The following FRK variants were observed in gnomAD, a reference collection of about 807,000 sequenced individuals.
FRK encodes tyrosine-protein kinase FRK.
A neutral mutation model predicts 56.4 loss-of-function variants in FRK; 51 were observed. The ratio of observed to expected loss-of-function variants is 0.90; its 90% confidence interval spans 0.72 to 1.14. FRK has a LOEUF of 1.14. FRK is among the 50% of genes most tolerant of loss of function. The probability of loss-of-function intolerance (pLI) is 0.00; values close to 1 mark genes in which losing one functional copy is unlikely to be tolerated. For synonymous variants in FRK, 245 were observed against 217.9 expected (o/e 1.12, Z -1.10); for missense variants, 570 against 601.4 (o/e 0.95, Z 0.55).
chr6:116,082,546 G>T, the FRK span, among the ~76,000 whole-genome samples: 7 of 152,174 alleles, frequency 4.6e-5, no homozygotes, highest in Non-Finnish European at 8.8e-5. Flanking sequence ...CTGGATATAT[G>T]TTTAAAGTGG....
chr6:115,973,561 A>C (rs1334954660), intron 2 of FRK, among the ~76,000 whole-genome samples: 1 of 152,288 alleles, frequency 6.6e-6, no homozygotes, highest in South Asian at 2.1e-4. Context: ...TATAATGTTT[A>C]AAAATTTTTA....
At chr6:115,979,844 A>G (rs930004512) in intron 2 of FRK, among the ~76,000 whole-genome samples, 1 of 152,214 alleles carries the variant, frequency 6.6e-6, no homozygotes. Context: ...GCAATAGGCT[A>G]TACCACAGAG....
intron 4 of FRK, among the ~76,000 whole-genome samples, chr6:115,958,335 C>G (rs529615906): frequency 6.6e-6 from 1 of 151,270 alleles, no homozygotes; most frequent in Non-Finnish European, 1.5e-5. Flanking sequence ...GATAACCATA[C>G]AGAAAATTAG....
At position 116,025,140 on chromosome 6, in the gene FRK, C is replaced by T. The variant is rs114127995; in HGVS notation, c.345-21142G>A. On this transcript the variant is annotated intron_variant, in intron 1 of 7. Transcript: ENST00000606080. ...AAGAATTGCAGGCCCCATGAAAGGACGAAATTAGAATTAGTGAGGCCCCAG... is the reference window on the plus strand; with the variant it reads ...AAGAATTGCAGGCCCCATGAAAGGATGAAATTAGAATTAGTGAGGCCCCAG... Among the ~76,000 whole-genome samples, 218 of 152,144 alleles carry T rather than the reference C, an allele frequency of 1.4e-3. 1 individual carries two copies. Among genetic ancestry groups the T allele is most frequent in the African/African-American group, 4.7e-3 (197 of 41,508 alleles).
chr6:115,997,491 A>T (rs1473739529), intron 2 of FRK, among the ~76,000 whole-genome samples: 1 of 151,516 alleles, frequency 6.6e-6, no homozygotes, highest in African/African-American at 2.4e-5. Context: ...TATGTGTCTC[A>T]AGCACCTCTG....
chr6:116,004,098 G>A (rs1775165883), intron 1 of FRK, 100 bp from the exon 2 acceptor site: 2 of 1,078,600 alleles, frequency 1.9e-6, no homozygotes, highest in Admixed American at 2.4e-5. Context: ...AAAAATGTTT[G>A]GTATTCTTTA....
chr6:116,038,725 C>T (rs1038951417), intron 1 of FRK: 22 of 454,202 alleles, frequency 4.8e-5, no homozygotes, highest in Admixed American at 1.7e-4. Flanking sequence ...TGAAGGCTGA[C>T]GCTGACCTTC....
intron 4 of FRK, among the ~76,000 whole-genome samples, chr6:115,958,968 A>T (rs905306952): frequency 6.6e-6 from 1 of 152,140 alleles, no homozygotes; most frequent in African/African-American, 2.4e-5. Context: ...ATGCACAAGA[A>T]CTGAAATCAC....
At chr6:115,978,404 CGAT>C (rs778515609) in intron 2 of FRK, among the ~76,000 whole-genome samples, 15 of 152,220 alleles carry the variant, frequency 9.9e-5, no homozygotes, top group Non-Finnish European at 2.1e-4. Context: ...AAGAAAAGGA[CGAT>C]GACTCCAGGA....
intron 1 of FRK, among the ~76,000 whole-genome samples, chr6:116,005,708 C>T (rs1230151243): frequency 6.6e-6 from 1 of 152,096 alleles, no homozygotes; most frequent in African/African-American, 2.4e-5. Context: ...CACAGAAAAA[C>T]AGAAATGCAT....
chr6:116,060,119 C>T lies in FRK; in HGVS notation c.193G>A (p.Ala65Thr). 2 of 1,614,192 alleles carry T rather than the reference C, an allele frequency of 1.2e-6. No individual in the cohort carries two copies. The highest frequency in any genetic ancestry group is 2.2e-5 in the South Asian group (2 of 91,086). ...ARTAEDLSFR[A>T]GDKLQVLDTL... is the part of the protein sequence containing the mutation. ...TCCAGAACTTGAAGTTTGTCACCTG[C>T]TCGGAAGCTCAAGTCCTCAGCAGTC... The change falls in exon 1 of 8, where the codon GCA becomes ACA. Residue 65 changes from alanine to threonine, a missense_variant. Transcript: ENST00000606080.
chr6:115,952,152 T>C (rs1338254736), intron 5 of FRK, among the ~76,000 whole-genome samples: 2 of 152,142 alleles, frequency 1.3e-5, no homozygotes, highest in South Asian at 2.1e-4. Flanking sequence ...ACTCTGATGG[T>C]AGTTTCTTTT....
intron 2 of FRK, among the ~76,000 whole-genome samples, chr6:115,977,087 A>G (rs1158819491): frequency 1.3e-5 from 2 of 152,180 alleles, no homozygotes; most frequent in Non-Finnish European, 2.9e-5. Flanking sequence ...AAAGACAACC[A>G]TGATGATTCT....
intron 1 of FRK, among the ~76,000 whole-genome samples, chr6:116,058,768 G>A (rs187791652): frequency 9.9e-5 from 15 of 151,864 alleles, no homozygotes; most frequent in African/African-American, 3.4e-4. Context: ...AAAATTAGCC[G>A]GGCGTGGTGG....
At chr6:116,085,401 T>C in the FRK span, among the ~76,000 whole-genome samples, 1 of 152,198 alleles carries the variant, frequency 6.6e-6, no homozygotes, top group Non-Finnish European at 1.5e-5. Context: ...TTTAAATCTA[T>C]TTGCTTCTCT....
In FRK at chr6:115,939,966, T is replaced by C. The variant is rs1772127293; in HGVS notation, c.*2448A>G. On this transcript the variant is annotated 3_prime_UTR_variant, in exon 8 of 8. Transcript: ENST00000606080. ...ACTACCATTGACTTTCTTCACAGAA[T>C]TGGAAAAAACTACTTTAAACTTCAT... 6.6e-6 allele frequency: 1 copy of C among 152,144 alleles called. No homozygotes were observed. Among genetic ancestry groups the C allele is most frequent in the African/African-American group, 2.4e-5 (1 of 41,414 alleles). The allele number at this position is 152,144 out of a possible 1,614,324, so 9.4% of individuals were successfully genotyped here.
At chr6:116,096,153 G>A in the FRK span, among the ~76,000 whole-genome samples, 3 of 152,014 alleles carry the variant, frequency 2.0e-5, no homozygotes, top group Non-Finnish European at 2.9e-5. Context: ...CCGAGGACCC[G>A]TGGACAAACC....
At chr6:116,096,964 T>G in the FRK span, among the ~76,000 whole-genome samples, 4 of 152,140 alleles carry the variant, frequency 2.6e-5, no homozygotes, top group African/African-American at 9.7e-5. Context: ...CAAAAGGACT[T>G]TGTCCCATTA....
intron 2 of FRK, among the ~76,000 whole-genome samples, chr6:115,985,633 A>G (rs907310439): frequency 2.0e-5 from 3 of 152,008 alleles, no homozygotes; most frequent in Non-Finnish European, 4.4e-5. Context: ...TCCACTGTAA[A>G]TTGGTGGTAA....
Sources: allele counts gnomAD v4.1 joint callset (sites outside exome capture counted in the v4.1 genomes callset), GRCh38; gene constraint gnomAD v4.1.1; transcripts MANE v1.5; gene names NCBI Gene and HGNC (gene_info 2026-07-23, HGNC 2026-07-21).